NUP214: variants seen among roughly 807,000 people sequenced by gnomAD.
NUP214 encodes nuclear pore complex protein Nup214.
NUP214 carries 79 observed loss-of-function variants against 196.2 expected under a neutral mutation model. The observed-to-expected ratio is 0.40, with a 90% confidence interval of 0.34 to 0.49. NUP214 has a LOEUF of 0.49. Among genes scored for constraint, NUP214 ranks in the 20% least tolerant of loss-of-function variants. The probability of loss-of-function intolerance (pLI) is 0.58; values close to 1 mark genes in which losing one functional copy is unlikely to be tolerated. For synonymous variants in NUP214, 1,020 were observed against 990.5 expected, an observed-to-expected ratio of 1.03 and a Z score of -0.56; for missense variants, 2,468 against 2,539.0, an observed-to-expected ratio of 0.97 and a Z score of 0.60.
rs140809908 is a variant in NUP214 at position 131,173,916 on chromosome 9, C to T, written c.2894-139C>T. On this transcript the variant is annotated intron_variant, in intron 21 of 35. Coordinates refer to ENST00000359428, the MANE Select transcript of NUP214 (RefSeq NM_005085.4). ...CCATTTTTGTTCACATTTGACAATA[C>T]CTGCTCCCACTTAAAATAAGTAATA... 981 of 1,134,336 alleles carry T rather than the reference C, an allele frequency of 8.6e-4. 11 individuals are homozygous for T. In the African/African-American group the frequency reaches 0.014, roughly 17 times the overall value. The allele number at this position is 1,134,336 out of a possible 1,614,324, so 70.3% of individuals were successfully genotyped here.
chr9:131,135,126 A>C, intron 8 of NUP214, 122 bp downstream of exon 8: 4 of 716,676 alleles, frequency 5.6e-6, no homozygotes, highest in Non-Finnish European at 9.4e-6. Context: ...GTCTCACTCC[A>C]TTACCCAGGC....
At chr9:131,169,041 T>TG (rs1466886074) in intron 21 of NUP214, among the ~76,000 whole-genome samples, 15 of 147,890 alleles carry the variant, frequency 1.0e-4, no homozygotes, top group East Asian at 2.0e-4. Flanking sequence ...TTTGTTTTTT[T>TG]TTTTTTTTTG....
chr9:131,228,457 A>G, intron 33 of NUP214, 126 bp downstream of exon 33: 2 of 883,836 alleles, frequency 2.3e-6, no homozygotes, highest in Non-Finnish European at 3.2e-6. Flanking sequence ...ATTTGTGAAC[A>G]ACTCCCTCAA....
chr9:131,130,141 T>TA (rs1187779575), intron 4 of NUP214, among the ~76,000 whole-genome samples: 1 of 103,522 alleles, frequency 9.7e-6, no homozygotes, highest in Non-Finnish European at 2.1e-5. Context: ...GGTTTTGTTT[T>TA]TTTTTTTTTG....
chr9:131,207,754 A>G (rs1413948366), intron 30 of NUP214, among the ~76,000 whole-genome samples: 1 of 152,236 alleles, frequency 6.6e-6, no homozygotes, highest in Non-Finnish European at 1.5e-5. Context: ...AGTGGCAGAA[A>G]GCCTTGTTGA....
At chr9:131,155,188 G>T (rs1588136248) in intron 17 of NUP214, among the ~76,000 whole-genome samples, 1 of 152,106 alleles carries the variant, frequency 6.6e-6, no homozygotes, top group African/African-American at 2.4e-5. Flanking sequence ...GGCCATTCTT[G>T]CAGAAGTAAG....
At chr9:131,167,032 T>C (rs1218541402) in intron 21 of NUP214, 1 of 152,134 alleles carries the variant, frequency 6.6e-6, no homozygotes. Flanking sequence ...TATACAGTTA[T>C]CTCATATACA....
chr9:131,198,364 G>A lies in NUP214; in HGVS notation c.4870G>A (p.Val1624Ile), dbSNP rs966080964. Residue 1624 changes from valine (V) to isoleucine (I), a missense_variant, in exon 29 of 36, where the codon GTT (valine) becomes ATT (isoleucine). Transcript: ENST00000359428. ...TPIASSTTSI[V>I]APGPSAEAAA... is the part of the protein sequence containing the mutation. ...CATAGCCTCCAGCACCACGTCCATT[G>A]TTGCTCCCGGCCCATCTGCAGAGGC... is the stretch of plus-strand genomic sequence containing the variant. The A allele has an allele frequency of 6.2e-6, 10 of 1,614,102 alleles. No homozygotes were observed. The African/African-American group carries it at 1.3e-4, about 22-fold the overall frequency.
chr9:131,200,775 G>A (rs934933497), intron 29 of NUP214, among the ~76,000 whole-genome samples: 1 of 151,992 alleles, frequency 6.6e-6, no homozygotes, highest in Non-Finnish European at 1.5e-5. Context: ...GAGCTCTTTT[G>A]TTGTATAGTT....
chr9:131,198,502 G>A lies in NUP214; in HGVS notation c.5008G>A (p.Ala1670Thr). 1 of 1,614,194 alleles carries A rather than the reference G, an allele frequency of 6.2e-7. No individual in the cohort carries two copies. Among genetic ancestry groups the A allele is most frequent in the South Asian group, 1.1e-5 (1 of 91,078 alleles). ...LTNNTATAPS[A>T]TPVFGQVAAS... is the part of the protein sequence containing the mutation. ...CAACAACACAGCCACTGCCCCCTCT[G>A]CCACGCCCGTGTTTGGGCAAGTGGC... is the stretch of plus-strand genomic sequence containing the variant. Residue 1670 changes from alanine (A) to threonine (T), a missense_variant, in exon 29 of 36, where the codon GCC (alanine) becomes ACC (threonine). Ala to Thr is a moderately conservative substitution (Grantham distance 58, BLOSUM62 0). Around this residue, in one of 5 missense-constraint regions of NUP214, gnomAD observed 1,801 missense variants for 1,779.4 expected, o/e 1.01. Transcript: ENST00000359428.
chr9:131,209,952 A>G (rs1365471601), intron 30 of NUP214, among the ~76,000 whole-genome samples: 1 of 152,234 alleles, frequency 6.6e-6, no homozygotes. Flanking sequence ...CCAATAACCT[A>G]AAACCTAAGT....
intron 31 of NUP214, among the ~76,000 whole-genome samples, chr9:131,221,757 C>T (rs375544385): frequency 2.0e-5 from 3 of 152,188 alleles, no homozygotes; most frequent in African/African-American, 4.8e-5. Flanking sequence ...AGGATAGCTT[C>T]TCCCTGCCTT....
intron 21 of NUP214, among the ~76,000 whole-genome samples, chr9:131,169,299 G>A (rs1832887269): frequency 6.6e-6 from 1 of 151,978 alleles, no homozygotes; most frequent in Non-Finnish European, 1.5e-5. Flanking sequence ...CTCCCAAAGT[G>A]CTCGGATTAC....
Position 131,125,593 on chromosome 9 carries a change from A to C in NUP214, c.-112A>C. ...AAAGCGCGCCGGAAATGCGAGGTCA[A>C]CTGCGCGCCGCTGGCGCTGAGGGGA... On this transcript the variant is annotated 5_prime_UTR_variant, in exon 1 of 36. Transcript: ENST00000359428. This position sits in a 1 kb window ranked among gnomAD's most constrained non-coding sequence, Gnocchi z 4.1. 6.5e-7 allele frequency: 1 copy of C among 1,548,278 alleles called. No homozygotes were observed. The highest frequency in any genetic ancestry group is 8.7e-7 in the Non-Finnish European group (1 of 1,145,112).
At chr9:131,204,082 ATTACTC>A (rs1317563074) in intron 30 of NUP214, among the ~76,000 whole-genome samples, 2 of 152,250 alleles carry the variant, frequency 1.3e-5, no homozygotes, top group African/African-American at 4.8e-5. Context: ...TAGCCTTCGA[ATTACTC>A]TTACAAGTAA....
At chr9:131,209,358 G>T (rs1240216426) in intron 30 of NUP214, among the ~76,000 whole-genome samples, 1 of 152,164 alleles carries the variant, frequency 6.6e-6, no homozygotes, top group African/African-American at 2.4e-5. Flanking sequence ...TCTGGCCTGG[G>T]TGACAAAGTG....
In NUP214 at chr9:131,201,724, A is replaced by G. The variant is rs778674245; in HGVS notation, c.5592+7A>G. 1 of 1,611,450 alleles carries G rather than the reference A, an allele frequency of 6.2e-7. No homozygotes were observed. Among genetic ancestry groups the G allele is most frequent in the East Asian group, 2.2e-5 (1 of 44,862 alleles). On this transcript the variant is annotated splice_region_variant and intron_variant, in intron 30 of 35. Coordinates refer to ENST00000359428, the MANE Select transcript of NUP214 (RefSeq NM_005085.4). Reference sequence around the variant, plus strand: ...TGGAATAGTCTTTGGCCAGGTAAATATGCATTTGTCTTCATTCACGTCAAC... The same window carrying G: ...TGGAATAGTCTTTGGCCAGGTAAATGTGCATTTGTCTTCATTCACGTCAAC...
chr9:131,147,945 G>T (rs1375745118), intron 14 of NUP214, among the ~76,000 whole-genome samples: 3 of 152,208 alleles, frequency 2.0e-5, no homozygotes, highest in Non-Finnish European at 4.4e-5. Flanking sequence ...CCAGCACTTT[G>T]GGAGGCCAAG....
intron 21 of NUP214, among the ~76,000 whole-genome samples, chr9:131,168,955 T>G (rs1038387002): frequency 1.3e-4 from 19 of 151,946 alleles, no homozygotes; most frequent in African/African-American, 4.6e-4. Flanking sequence ...AGTGCTCAAA[T>G]AAGTCTCAAT....
Sources: gnomAD v4.1 joint callset for allele counts (sites outside exome capture counted in the v4.1 genomes callset) on GRCh38, gnomAD v4.1.1 for gene constraint, gnomAD v4.1.1 regional missense constraint, Gnocchi (gnomAD v3.1) non-coding constraint, MANE v1.5 for transcripts, NCBI Gene and HGNC (gene_info 2026-07-23, HGNC 2026-07-21) for gene names.